Variants in AP3S2 observed in about 807,000 individuals in gnomAD.
AP3S2 encodes the protein adaptor related protein complex 3 subunit sigma 2.
A neutral mutation model predicts 23.4 loss-of-function variants in AP3S2; 22 were observed. That is an observed-to-expected ratio of 0.94 (90% CI 0.67 to 1.34). AP3S2 has a LOEUF of 1.34. AP3S2 is among the 40% of genes most tolerant of loss of function. The pLI is 0.00. For missense variants in AP3S2, 241 were observed against 236.9 expected (o/e 1.02, Z -0.11); for synonymous variants, 86 against 87.1 (o/e 0.99, Z 0.07).
intron 4 of AP3S2, among the ~76,000 whole-genome samples, chr15:89,840,151 C>T (rs1386781873): frequency 6.6e-6 from 1 of 152,078 alleles, no homozygotes; most frequent in Non-Finnish European, 1.5e-5. Context: ...GACTGCACAA[C>T]AATGTGGATA....
At chr15:89,881,651 G>GA in intron 3 of AP3S2, among the ~76,000 whole-genome samples, 1 of 152,046 alleles carries the variant, frequency 6.6e-6, no homozygotes, top group African/African-American at 2.4e-5. Flanking sequence ...GGCTGACATG[G>GA]AAAACAAAAT....
intron 4 of AP3S2, among the ~76,000 whole-genome samples, chr15:89,856,776 G>C (rs1318574540): frequency 6.7e-6 from 1 of 150,126 alleles, no homozygotes; most frequent in South Asian, 2.1e-4. Flanking sequence ...AGGAGGCTGA[G>C]GCATGAGAAT....
chr15:89,855,325 GCAGCATGCGCGTTAAGAGT>G (rs1419009213), intron 4 of AP3S2, among the ~76,000 whole-genome samples: 2 of 107,456 alleles, frequency 1.9e-5, no homozygotes, highest in African/African-American at 7.2e-5. Context: ...ATGCTTGAAG[GCAGCATGCGCGTTAAGAGT>G]CATCACCAAT....
At chr15:89,885,431 G>C (rs1447046428) in intron 3 of AP3S2, among the ~76,000 whole-genome samples, 1 of 152,028 alleles carries the variant, frequency 6.6e-6, no homozygotes, top group Admixed American at 6.6e-5. Context: ...TCAAACTCCT[G>C]GTCTCAAGTG....
At chr15:89,868,024 C>A (rs1487048470) in intron 4 of AP3S2, among the ~76,000 whole-genome samples, 1 of 139,496 alleles carries the variant, frequency 7.2e-6, no homozygotes, top group South Asian at 2.4e-4. Flanking sequence ...GCCGCCCCGT[C>A]CAGGAGGTGA....
chr15:89,858,314 G>A (rs1390668067), intron 4 of AP3S2, among the ~76,000 whole-genome samples: 1 of 151,912 alleles, frequency 6.6e-6, no homozygotes, highest in African/African-American at 2.4e-5. Flanking sequence ...GGTGGCGCAC[G>A]CCTATAATCC....
intron 4 of AP3S2, among the ~76,000 whole-genome samples, chr15:89,844,465 G>A (rs1378681714): frequency 6.6e-6 from 1 of 151,646 alleles, no homozygotes; most frequent in Non-Finnish European, 1.5e-5. Flanking sequence ...AGTCTCATGA[G>A]TAGCTGGGCC....
At chr15:89,849,406 G>A (rs951288584) in intron 4 of AP3S2, among the ~76,000 whole-genome samples, 33 of 151,750 alleles carry the variant, frequency 2.2e-4, no homozygotes, top group East Asian at 1.2e-3. Context: ...TCACTCTGTC[G>A]CTCAGGCTGG....
chr15:89,847,129 C>T (rs1422131965), intron 4 of AP3S2, among the ~76,000 whole-genome samples: 1 of 151,774 alleles, frequency 6.6e-6, no homozygotes, highest in African/African-American at 2.4e-5. Context: ...GTATTCCCAG[C>T]ATTTTGGGAG....
At chr15:89,844,291 C>CT (rs1895430136) in intron 4 of AP3S2, among the ~76,000 whole-genome samples, 1 of 129,260 alleles carries the variant, frequency 7.7e-6, no homozygotes, top group South Asian at 2.5e-4. Context: ...CTCTTTCTTT[C>CT]TTTACTTTTT....
At chr15:89,881,072 T>G (rs1896559165) in intron 3 of AP3S2, among the ~76,000 whole-genome samples, 3 of 152,204 alleles carry the variant, frequency 2.0e-5, no homozygotes. Context: ...TAAAAGTCAG[T>G]CATTGAAAGA....
chr15:89,859,910 C>T (rs899905105), intron 4 of AP3S2, among the ~76,000 whole-genome samples: 2 of 151,880 alleles, frequency 1.3e-5, no homozygotes, highest in Non-Finnish European at 2.9e-5. Flanking sequence ...ACTACAGGCA[C>T]CTGCCACCAT....
Position 89,878,678 on chromosome 15 carries a change from A to C in AP3S2, c.274-7132T>G, listed in dbSNP as rs541541586. Among the ~76,000 whole-genome samples, 9 of 152,160 alleles carry C rather than the reference A, an allele frequency of 5.9e-5. 1 individual carries two copies. The South Asian group carries it at 1.9e-3, about 32-fold the overall frequency. On this transcript the variant is annotated intron_variant, in intron 3 of 5. Transcript: ENST00000336418. ...TGGGCTCAAGCAATCCTTCAACCTC[A>C]GCCTCCCAAGTAGCTGAGAATCACA... is the stretch of plus-strand genomic sequence containing the variant.
intron 3 of AP3S2, among the ~76,000 whole-genome samples, chr15:89,887,319 TTTATC>T (rs1213425332): frequency 2.0e-5 from 3 of 152,164 alleles, no homozygotes; most frequent in Admixed American, 1.3e-4. Flanking sequence ...CTTTTAAACT[TTTATC>T]TTAAGAAAAC....
intron 4 of AP3S2, among the ~76,000 whole-genome samples, chr15:89,860,019 C>T (rs570538106): frequency 2.6e-5 from 4 of 152,210 alleles, no homozygotes; most frequent in East Asian, 1.9e-4. Context: ...CCGCCTTGGC[C>T]CTCCCAAAGT....
intron 4 of AP3S2, among the ~76,000 whole-genome samples, chr15:89,845,091 G>C (rs1030275892): frequency 7.2e-5 from 11 of 151,954 alleles, no homozygotes; most frequent in African/African-American, 2.7e-4. Flanking sequence ...ATTTTTAGTA[G>C]AGACGAGGTT....
intron 4 of AP3S2, among the ~76,000 whole-genome samples, chr15:89,867,621 G>A (rs898876258): frequency 7.6e-5 from 10 of 131,926 alleles, no homozygotes; most frequent in East Asian, 7.5e-4. Flanking sequence ...GTCTCTGCCC[G>A]GCCGCCCATC....
Position 89,875,755 on chromosome 15 carries a change from C to A in AP3S2, c.274-4209G>T, listed in dbSNP as rs574376746. On this transcript the variant is annotated intron_variant, in intron 3 of 5. Transcript: ENST00000336418. ...CTTGGGCTCACAAGTTTGAGACCAGCTTGAGCAACATGGCAAAGCCCTGTC... is the reference window on the plus strand; with the variant it reads ...CTTGGGCTCACAAGTTTGAGACCAGATTGAGCAACATGGCAAAGCCCTGTC... 2.0e-5 allele frequency among the ~76,000 whole-genome samples: 3 copies of A among 152,292 alleles called. No individual in the cohort carries two copies. In the South Asian group the frequency reaches 6.2e-4, roughly 32 times the overall value.
At chr15:89,877,788 C>CT (rs1031405438) in intron 3 of AP3S2, among the ~76,000 whole-genome samples, 11 of 151,822 alleles carry the variant, frequency 7.2e-5, no homozygotes, top group African/African-American at 2.7e-4. Context: ...GAGTGAGACT[C>CT]TGTCTCAAAA....
Sources: gnomAD v4.1 joint callset for allele counts (sites outside exome capture counted in the v4.1 genomes callset) on GRCh38, gnomAD v4.1.1 for gene constraint, MANE v1.5 for transcripts, NCBI Gene and HGNC (gene_info 2026-07-23, HGNC 2026-07-21) for gene names.